Variants in TAFA5 observed in about 807,000 individuals in gnomAD.
TAFA5 encodes the protein TAFA chemokine like family member 5.
A neutral mutation model predicts 15.3 loss-of-function variants in TAFA5; 6 were observed. That is an observed-to-expected ratio of 0.39 (90% CI 0.21 to 0.77). The LOEUF is 0.77. Ranked by LOEUF, TAFA5 falls within the 30% of genes least tolerant of loss-of-function variation. TAFA5 has a pLI of 0.41. For missense variants in TAFA5, 161 were observed against 193.1 expected, an observed-to-expected ratio of 0.83 and a Z score of 0.98; for synonymous variants, 103 against 80.7, an observed-to-expected ratio of 1.28 and a Z score of -1.48.
intron 1 of TAFA5, among the ~76,000 whole-genome samples, chr22:48,551,725 G>C (rs1922862826): frequency 6.6e-6 from 1 of 151,960 alleles, no homozygotes; most frequent in Admixed American, 6.5e-5. Flanking sequence ...TGCAGGAGGG[G>C]AGACGGGGGC....
At chr22:48,506,184 G>C (rs753104228) in intron 1 of TAFA5, among the ~76,000 whole-genome samples, 1 of 152,144 alleles carries the variant, frequency 6.6e-6, no homozygotes, top group Non-Finnish European at 1.5e-5. Flanking sequence ...CTGCAGCCCC[G>C]CACTTGTTCA....
At chr22:48,744,370 T>G (rs1930266920) in intron 3 of TAFA5, among the ~76,000 whole-genome samples, 1 of 152,188 alleles carries the variant, frequency 6.6e-6, no homozygotes, top group Admixed American at 6.5e-5. Flanking sequence ...CTTCACCTCC[T>G]GAAAAGGAGA....
At chr22:48,513,157 G>T (rs6007877) in intron 1 of TAFA5, among the ~76,000 whole-genome samples, 33,084 of 151,906 alleles carry the variant, frequency 0.22, 3,712 homozygotes, top group African/African-American at 0.28. Flanking sequence ...TGGGACCCTC[G>T]GTAACCCTAA....
At chr22:48,668,838 C>T (rs1927709759) in intron 2 of TAFA5, among the ~76,000 whole-genome samples, 1 of 152,222 alleles carries the variant, frequency 6.6e-6, no homozygotes, top group Admixed American at 6.5e-5. Flanking sequence ...TAACTTCCCT[C>T]CTGGTGGAGG....
chr22:48,614,165 G>A (rs982965227), intron 1 of TAFA5, among the ~76,000 whole-genome samples: 6 of 152,270 alleles, frequency 3.9e-5, no homozygotes, highest in Non-Finnish European at 7.4e-5. Context: ...GCCCCCAGGC[G>A]CCCTCTCCTG....
At chr22:48,600,115 GC>G (rs1284340373) in intron 1 of TAFA5, among the ~76,000 whole-genome samples, 1 of 152,146 alleles carries the variant, frequency 6.6e-6, no homozygotes, top group Non-Finnish European at 1.5e-5. Flanking sequence ...GCTGAGTGTG[GC>G]CCCCCGAGGC....
intron 1 of TAFA5, among the ~76,000 whole-genome samples, chr22:48,634,270 A>G (rs1926359319): frequency 6.6e-6 from 1 of 151,992 alleles, no homozygotes; most frequent in Admixed American, 6.6e-5. Context: ...TCATTCACTC[A>G]TCACTCACTC....
chr22:48,580,926 G>A (rs926945866), intron 1 of TAFA5, among the ~76,000 whole-genome samples: 12 of 148,628 alleles, frequency 8.1e-5, no homozygotes, highest in African/African-American at 7.4e-5. Flanking sequence ...CAGACAGAGC[G>A]CAGGGGCATC....
chr22:48,637,046 G>T (rs1320878307), intron 1 of TAFA5, among the ~76,000 whole-genome samples: 1 of 152,194 alleles, frequency 6.6e-6, no homozygotes. Context: ...AGGGGCCCTG[G>T]CTCGGGGCTT....
chr22:48,509,681 A>G (rs1921136913), intron 1 of TAFA5, among the ~76,000 whole-genome samples: 1 of 152,170 alleles, frequency 6.6e-6, no homozygotes, highest in South Asian at 2.1e-4. Context: ...GCCCAGCGCA[A>G]TGGCTCACGC....
At position 48,552,551 on chromosome 22, in the gene TAFA5, G is replaced by A. The variant is rs904846039; in HGVS notation, c.112+62847G>A. 1.2e-4 allele frequency among the ~76,000 whole-genome samples: 19 copies of A among 152,032 alleles called. No homozygotes were observed. The highest frequency in any genetic ancestry group is 3.9e-4 in the African/African-American group (16 of 41,410). ...GGACATGGAGACTTCACAGCCCGGC[G>A]GAACCCACGCCCATGCCCAGCTCTG... On this transcript the variant is annotated intron_variant, in intron 1 of 3. Transcript: ENST00000402357. This position sits in a 1 kb window ranked among gnomAD's most constrained non-coding sequence, Gnocchi z 4.1.
chr22:48,744,710 C>A (rs537508808), intron 3 of TAFA5, among the ~76,000 whole-genome samples: 4 of 152,196 alleles, frequency 2.6e-5, no homozygotes, highest in African/African-American at 4.8e-5. Context: ...ACATCTTTTT[C>A]TCTGTGCTTC....
At position 48,697,943 on chromosome 22, in the gene TAFA5, A is replaced by G. The variant is rs117949164; in HGVS notation, c.263-9774A>G. 4.7e-3 allele frequency among the ~76,000 whole-genome samples: 683 copies of G among 146,674 alleles called. 13 individuals are homozygous for G. The East Asian group carries it at 0.055, about 12-fold the overall frequency. On this transcript the variant is annotated intron_variant, in intron 2 of 3. Transcript: ENST00000402357. ...ATGGTGGTGGTGGTGATGATGTGTG[A>G]TGGTGAGGATGATGATGGTGATGAT...
chr22:48,500,343 G>A (rs1331397496), intron 1 of TAFA5, among the ~76,000 whole-genome samples: 2 of 152,168 alleles, frequency 1.3e-5, no homozygotes, highest in Non-Finnish European at 2.9e-5. Flanking sequence ...CGGGCTAAGG[G>A]ACTGATGGGA....
chr22:48,718,759 GC>G (rs1475483211), intron 3 of TAFA5, among the ~76,000 whole-genome samples: 1 of 151,198 alleles, frequency 6.6e-6, no homozygotes, highest in Admixed American at 6.6e-5. Flanking sequence ...TTCCACCCCC[GC>G]CCCCCAACCT....
intron 1 of TAFA5, among the ~76,000 whole-genome samples, chr22:48,583,440 C>T (rs2147149140): frequency 6.7e-6 from 1 of 148,580 alleles, no homozygotes; most frequent in East Asian, 2.0e-4. Context: ...ACACACAGTA[C>T]CCACCGCACA....
chr22:48,732,903 G>A (rs1378338367), intron 3 of TAFA5, among the ~76,000 whole-genome samples: 3 of 152,110 alleles, frequency 2.0e-5, no homozygotes, highest in Non-Finnish European at 2.9e-5. Context: ...AAGAGATGAC[G>A]ACTCCCGGAA....
At chr22:48,547,667 C>T (rs2147124536) in intron 1 of TAFA5, among the ~76,000 whole-genome samples, 1 of 152,248 alleles carries the variant, frequency 6.6e-6, no homozygotes, top group East Asian at 1.9e-4. Flanking sequence ...TTCATGGCAA[C>T]CTCGTAAGCC....
intron 2 of TAFA5, among the ~76,000 whole-genome samples, chr22:48,704,576 G>A (rs1929020415): frequency 6.6e-6 from 1 of 152,134 alleles, no homozygotes; most frequent in Admixed American, 6.5e-5. Context: ...CCTGGGAGCT[G>A]CAGCCTGGGT....
Sources: gnomAD v4.1 joint callset for allele counts (sites outside exome capture counted in the v4.1 genomes callset) on GRCh38, gnomAD v4.1.1 for gene constraint, Gnocchi (gnomAD v3.1) non-coding constraint, MANE v1.5 for transcripts, NCBI Gene and HGNC (gene_info 2026-07-23, HGNC 2026-07-21) for gene names.